Variants in FDXR observed in about 807,000 individuals in gnomAD.
The protein encoded by FDXR is NADPH:adrenodoxin oxidoreductase, mitochondrial.
A neutral mutation model predicts 58.3 loss-of-function variants in FDXR; 38 were observed. That is an observed-to-expected ratio of 0.65 (90% CI 0.50 to 0.85). The LOEUF is 0.85. Among genes scored for constraint, FDXR ranks in the 40% least tolerant of loss-of-function variants. The pLI is 0.00. For missense variants in FDXR, 624 were observed against 671.0 expected (o/e 0.93, Z 0.77); for synonymous variants, 275 against 273.8 (o/e 1.00, Z -0.04).
chr17:74,868,703 T>C (rs933915767), intron 2 of FDXR: 1 of 1,528,584 alleles, frequency 6.5e-7, no homozygotes, highest in East Asian at 2.5e-5. Context: ...CCTTCCTTCC[T>C]TCCCTCCCTC....
intron 2 of FDXR, chr17:74,868,477 T>C (rs2038268063): frequency 2.9e-6 from 3 of 1,018,130 alleles, no homozygotes; most frequent in African/African-American, 1.6e-5. Flanking sequence ...AAATCTTCGC[T>C]GGGGCCCAGT....
At chr17:74,866,002 G>A in intron 5 of FDXR, 129 bp downstream of exon 5, 1 of 875,474 alleles carries the variant, frequency 1.1e-6, no homozygotes, top group South Asian at 1.6e-5. Context: ...CTCCACAGCT[G>A]GCCTCCCGCC....
Position 74,865,749 on chromosome 17 carries a change from G to T in FDXR, c.579C>A (p.Arg193=), listed in dbSNP as rs1318078949. Residue 193 remains arginine, a synonymous_variant, in exon 6 of 12, where the codon CGC becomes CGA. Transcript: ENST00000293195. The part of the protein sequence containing the change: ...GQGNVALDVA[R]ILLTPPEHLE... The stretch of plus-strand genomic sequence containing the variant: ...GGTGCTCAGGTGGGGTCAGTAGGAT[G>T]CGGGCCACGTCCAGAGCCACGTTCC... The T allele has an allele frequency of 1.2e-6, 2 of 1,612,890 alleles. No homozygotes were observed. Among genetic ancestry groups the T allele is most frequent in the African/African-American group, 1.3e-5 (1 of 74,906 alleles).
chr17:74,872,906 C>T lies in FDXR; in HGVS notation c.39G>A (p.Ala13=). 6.4e-7 allele frequency: 1 copy of T among 1,554,230 alleles called. No homozygotes were observed. Among genetic ancestry groups the T allele is most frequent in the East Asian group, 2.4e-5 (1 of 41,634 alleles). The stretch of plus-strand genomic sequence containing the variant: ...CGGGAGGCAGCCGGGTCCGAGGCCA[C>T]GCCGACCAGCCCCACCAGCGCCAGC... ...SRCWRWWGWS[A]WPRTRLPPAG... Residue 13 remains alanine, a synonymous_variant, in exon 1 of 12, where the codon GCG becomes GCA. Transcript: ENST00000293195.
chr17:74,868,249 G>A (rs1199012881), intron 2 of FDXR: 11 of 556,736 alleles, frequency 2.0e-5, no homozygotes, highest in Admixed American at 3.0e-5. Flanking sequence ...TGGGCTTGGA[G>A]TCAAACAGGT....
chr17:74,867,558 C>T (rs974408857), intron 2 of FDXR, among the ~76,000 whole-genome samples: 1 of 152,038 alleles, frequency 6.6e-6, no homozygotes, highest in Non-Finnish European at 1.5e-5. Context: ...AGCTCTAGTG[C>T]CCAGGACCAT....
intron 8 of FDXR, 22 bp downstream of exon 8, chr17:74,864,458 G>T (rs1396911000): frequency 6.2e-7 from 1 of 1,611,604 alleles, no homozygotes; most frequent in African/African-American, 1.3e-5. Context: ...AGTAGTTGGG[G>T]GGCCAGGCCA....
chr17:74,870,795 CTCTT>C (rs1309051492), intron 2 of FDXR, among the ~76,000 whole-genome samples: 1,959 of 95,238 alleles, frequency 0.021, 22 homozygotes, highest in African/African-American at 0.079. Flanking sequence ...TGCACTGTCT[CTCTT>C]TTTTTTTTTT....
rs1281109734 is a variant in FDXR, at chr17:74,872,750, G to A, written c.79+116C>T. On this transcript the variant is annotated intron_variant, in intron 1 of 11. Transcript: ENST00000293195. The stretch of plus-strand genomic sequence containing the variant: ...ACCACCGGGATCTCGCCAGCAGGAA[G>A]ACACCCCTTCAGTCTCACCCTTCTC... 6.5e-6 allele frequency: 10 copies of A among 1,531,330 alleles called. No individual in the cohort carries two copies. In the South Asian group the frequency reaches 1.2e-4, roughly 18 times the overall value. The allele number at this position is 1,531,330 out of a possible 1,614,324, so 94.9% of individuals were successfully genotyped here.
At position 74,864,262 on chromosome 17, in the gene FDXR, C is replaced by G; in HGVS notation, c.888G>C (p.Gln296His). The change falls in exon 9 of 12, where the codon CAG (glutamine) becomes CAC (histidine). Residue 296 changes from glutamine (Q) to histidine (H), a missense_variant. Physicochemically the swap from Gln to His is conservative, Grantham distance 24 (BLOSUM62 0). Coordinates refer to ENST00000293195, the MANE Select transcript of FDXR (RefSeq NM_024417.5). ...GGCCCCAGGCACGGGAGGCCGATGC[C>G]TGGCGGGCAGCTTCCGCCGGCCCTG... The part of the protein sequence containing the change: ...EKPGPAEAAR[Q>H]ASASRAWGLR... The G allele has an allele frequency of 6.3e-7, 1 of 1,598,502 alleles. No individual in the cohort carries two copies. Among genetic ancestry groups the G allele is most frequent in the Non-Finnish European group, 8.6e-7 (1 of 1,168,958 alleles).
intron 2 of FDXR, chr17:74,868,578 C>T: frequency 6.5e-7 from 1 of 1,535,628 alleles, no homozygotes; most frequent in Non-Finnish European, 8.7e-7. Context: ...TTTCCTGCGA[C>T]AGATCCTTCA....
In FDXR at chr17:74,865,775, C is replaced by G; in HGVS notation, c.553G>C (p.Gly185Arg). The part of the protein sequence containing the change: ...SCDTAVILGQ[G>R]NVALDVARIL... ...CGGGCCACGTCCAGAGCCACGTTCC[C>G]CTGCCCCAGAATCACGGCTGTGTCA... The change falls in exon 6 of 12, where the codon GGG becomes CGG. Residue 185 changes from glycine (G) to arginine (R), a missense_variant. Gly to Arg is a moderately radical substitution (Grantham distance 125). Transcript: ENST00000293195. 6.2e-7 allele frequency: 1 copy of G among 1,613,794 alleles called. No homozygotes were observed. The highest frequency in any genetic ancestry group is 8.5e-7 in the Non-Finnish European group (1 of 1,179,982).
intron 4 of FDXR, 48 bp from the exon 5 acceptor site, chr17:74,866,292 C>T (rs564944791): frequency 5.7e-6 from 9 of 1,585,670 alleles, no homozygotes; most frequent in South Asian, 5.6e-5. Context: ...AGCACCAGCA[C>T]TGATAGGCCG....
rs768718946 is a variant in FDXR, at chr17:74,872,100, G to T, written c.113C>A (p.Thr38Asn). The change falls in exon 2 of 12, where the codon ACC becomes AAC. Residue 38 changes from threonine (T) to asparagine (N), a missense_variant. Physicochemically the swap from Thr to Asn is moderately conservative, Grantham distance 65. Transcript: ENST00000293195. ...FCHHFSTQEK[T>N]PQICVVGSGP... is the part of the protein sequence containing the mutation. ...ACTGCCCACCACACAGATCTGGGGG[G>T]TCTTCTCCTGTGTGGAGAAATGGTG... 10 of 1,607,330 alleles carry T rather than the reference G, an allele frequency of 6.2e-6. No homozygotes were observed. In the South Asian group the frequency reaches 8.9e-5, roughly 14 times the overall value.
intron 2 of FDXR, among the ~76,000 whole-genome samples, chr17:74,868,077 A>C (rs1598530677): frequency 1.5e-5 from 2 of 131,286 alleles, no homozygotes; most frequent in African/African-American, 2.9e-5. Flanking sequence ...GCTCCCACCC[A>C]CCTCTTCGCC....
intron 2 of FDXR, 113 bp from the exon 3 acceptor site, chr17:74,866,989 C>T (rs1282105777): frequency 6.6e-7 from 1 of 1,517,100 alleles, no homozygotes. Context: ...GGGCTGAGAA[C>T]ACAAGGCTTC....
chr17:74,863,058 C>T lies in FDXR; in HGVS notation c.1345+18G>A. The T allele has an allele frequency of 6.2e-7, 1 of 1,608,306 alleles. No homozygotes were observed. The highest frequency in any genetic ancestry group is 1.1e-5 in the South Asian group (1 of 90,854). On this transcript the variant is annotated intron_variant, in intron 11 of 11. Coordinates refer to ENST00000293195, the MANE Select transcript of FDXR (RefSeq NM_024417.5). ...CCACCCACCCCACCTCCCAGGACCT[C>T]AGCATCGGGGCCCAGACCTCGGCTG... is the stretch of plus-strand genomic sequence containing the variant.
Position 74,868,640 on chromosome 17 carries a change from C to T in FDXR, c.178-1764G>A, listed in dbSNP as rs144220157. Reference sequence around the variant, plus strand: ...GCCACCTCCGGAACGCTAAGTCTGCCGGATGTTCTTACCCCTTATCTCTCG... The same window carrying T: ...GCCACCTCCGGAACGCTAAGTCTGCTGGATGTTCTTACCCCTTATCTCTCG... On this transcript the variant is annotated intron_variant, in intron 2 of 11. Coordinates refer to ENST00000293195, the MANE Select transcript of FDXR (RefSeq NM_024417.5). 3.3e-4 allele frequency: 513 copies of T among 1,535,696 alleles called. 2 individuals carry two copies. The African/African-American group carries it at 5.6e-3, about 17-fold the overall frequency.
chr17:74,869,805 C>T, intron 2 of FDXR: 1 of 370,894 alleles, frequency 2.7e-6, no homozygotes, highest in Non-Finnish European at 5.9e-6. Flanking sequence ...AAAGCCTGCG[C>T]CCAGAACATG....
Sources: gnomAD v4.1 joint callset for allele counts (sites outside exome capture counted in the v4.1 genomes callset) on GRCh38, gnomAD v4.1.1 for gene constraint, MANE v1.5 for transcripts, NCBI Gene and HGNC (gene_info 2026-07-23, HGNC 2026-07-21) for gene names.